The following PRMT7 variants were observed in gnomAD, a reference collection of about 807,000 sequenced individuals.
PRMT7 encodes protein arginine N-methyltransferase 7.
In PRMT7, 75 loss-of-function variants were observed where a neutral mutation model predicts 85.4. The observed-to-expected ratio is 0.88, with a 90% CI of 0.73 to 1.06. The LOEUF is 1.06. Ranked by LOEUF, PRMT7 falls within the 50% of genes least tolerant of loss-of-function variation. The probability of loss-of-function intolerance (pLI) is 0.00; values close to 1 mark genes in which losing one functional copy is unlikely to be tolerated. For missense variants in PRMT7, 868 were observed against 915.2 expected, an observed-to-expected ratio of 0.95 and a Z score of 0.67; for synonymous variants, 397 against 359.5, an observed-to-expected ratio of 1.10 and a Z score of -1.18.
At chr16:68,347,936 T>C (rs530734572) in intron 13 of PRMT7, among the ~76,000 whole-genome samples, 1 of 152,214 alleles carries the variant, frequency 6.6e-6, no homozygotes. Context: ...TAAGCTACTG[T>C]TGCGGTAGAA....
At chr16:68,359,268 T>TG (rs995422317), downstream of PRMT7, 12 of 152,398 alleles carry the variant, frequency 7.9e-5, no homozygotes, top group African/African-American at 2.9e-4. Flanking sequence ...TTCTGGAAGT[T>TG]GGGGGCCTCC....
chr16:68,338,880 C>T (rs1338005487), intron 7 of PRMT7, among the ~76,000 whole-genome samples: 1 of 152,228 alleles, frequency 6.6e-6, no homozygotes, highest in Non-Finnish European at 1.5e-5. Flanking sequence ...GGAGCCACAG[C>T]CCTAGGGGCT....
At chr16:68,320,210 A>G (rs1272152323) in intron 3 of PRMT7, among the ~76,000 whole-genome samples, 3 of 152,208 alleles carry the variant, frequency 2.0e-5, no homozygotes, top group Admixed American at 6.5e-5. Flanking sequence ...TCAAGATGCT[A>G]GTGGCTGTGG....
chr16:68,320,080 C>A (rs7190070), intron 3 of PRMT7, among the ~76,000 whole-genome samples: 1 of 152,196 alleles, frequency 6.6e-6, no homozygotes, highest in Non-Finnish European at 1.5e-5. Context: ...CCCGGCTGCT[C>A]TCCCTAATAC....
intron 18 of PRMT7, 42 bp downstream of exon 18, chr16:68,356,839 A>G: frequency 1.3e-6 from 2 of 1,561,564 alleles, no homozygotes; most frequent in Non-Finnish European, 1.7e-6. Flanking sequence ...GCAGACCCTG[A>G]GAGCAGGCGC....
chr16:68,319,109 G>C (rs1050368351), intron 3 of PRMT7: 1 of 152,166 alleles, frequency 6.6e-6, no homozygotes, highest in Non-Finnish European at 1.5e-5. Flanking sequence ...GTGTGGGGAG[G>C]GGAACACGAT....
intron 3 of PRMT7, among the ~76,000 whole-genome samples, chr16:68,316,402 T>C (rs933482540): frequency 6.6e-6 from 1 of 152,210 alleles, no homozygotes; most frequent in African/African-American, 2.4e-5. Context: ...GTTCATCATA[T>C]GGTTAAATTC....
chr16:68,341,331 G>A (rs2085501141), intron 9 of PRMT7, among the ~76,000 whole-genome samples: 1 of 152,174 alleles, frequency 6.6e-6, no homozygotes, highest in East Asian at 1.9e-4. Flanking sequence ...GACTTTAATT[G>A]ACACGAAGCC....
Position 68,353,577 on chromosome 16 carries a change from C to T in PRMT7, c.1650+11C>T. ...GACGACATGATTAAGGTAGGCAGGG[C>T]CACACTCTGCATAGTACCCCCGACC... On this transcript the variant is annotated intron_variant, in intron 16 of 18. Transcript: ENST00000441236. 6.4e-7 allele frequency: 1 copy of T among 1,567,876 alleles called. No individual in the cohort carries two copies. Among genetic ancestry groups the T allele is most frequent in the African/African-American group, 1.4e-5 (1 of 73,010 alleles).
At chr16:68,311,342 C>T (rs1204326657) in intron 1 of PRMT7, 1 of 296,732 alleles carries the variant, frequency 3.4e-6, no homozygotes, top group Non-Finnish European at 6.5e-6. Context: ...TCGTGCCTGG[C>T]GCCTCCCCTC....
chr16:68,359,081 C>T (rs1463132633), downstream of PRMT7: 1 of 152,650 alleles, frequency 6.6e-6, no homozygotes, highest in Non-Finnish European at 1.5e-5. Context: ...GCCCTGACTC[C>T]CACGCCTGCT....
In PRMT7 at chr16:68,345,547, A is replaced by C. The variant is rs2086224984; in HGVS notation, c.928-128A>C. 2.9e-6 allele frequency: 4 copies of C among 1,379,114 alleles called. No homozygotes were observed. In the Admixed American group the frequency reaches 7.6e-5, roughly 26 times the overall value. 85.4% of individuals were successfully genotyped at this position (1,379,114 alleles called of 1,614,324 possible). A position where few individuals can be genotyped will look rare whatever the true frequency, so the allele number is the denominator to read the frequency against. The stretch of plus-strand genomic sequence containing the variant: ...TTAGAGTTTATTTATCTCCTTGGCC[A>C]CAATAGCCAGCTGTAGTCTACATTG... On this transcript the variant is annotated intron_variant, in intron 9 of 18. Transcript: ENST00000441236.
chr16:68,355,959 A>C (rs1475731012), intron 17 of PRMT7, 76 bp downstream of exon 17: 1 of 1,395,428 alleles, frequency 7.2e-7, no homozygotes, highest in East Asian at 2.6e-5. Context: ...TGGTGAGCAC[A>C]GCTGGCCTGG....
intron 6 of PRMT7, among the ~76,000 whole-genome samples, chr16:68,333,099 C>T (rs894519650): frequency 6.6e-6 from 1 of 152,096 alleles, no homozygotes. Context: ...CTCAAGTGAT[C>T]CTCCTGCCTC....
At chr16:68,344,558 T>C (rs1405330575) in intron 9 of PRMT7, among the ~76,000 whole-genome samples, 1 of 152,210 alleles carries the variant, frequency 6.6e-6, no homozygotes, top group Non-Finnish European at 1.5e-5. Context: ...CAGTTTTTGC[T>C]GGTATAAATA....
At chr16:68,355,634 T>C in intron 16 of PRMT7, 89 bp from the exon 17 acceptor site, 2 of 1,334,882 alleles carry the variant, frequency 1.5e-6, no homozygotes, top group Non-Finnish European at 2.0e-6. Flanking sequence ...CCCTTGTGAC[T>C]GCAGTCAGTG....
intron 9 of PRMT7, among the ~76,000 whole-genome samples, chr16:68,342,599 G>A (rs1040616513): frequency 2.0e-5 from 3 of 152,156 alleles, no homozygotes; most frequent in African/African-American, 7.2e-5. Flanking sequence ...ATTATGGAAG[G>A]CCTTAGCAGC....
intron 5 of PRMT7, among the ~76,000 whole-genome samples, chr16:68,327,000 A>G (rs1006582459): frequency 2.0e-5 from 3 of 152,222 alleles, no homozygotes; most frequent in Admixed American, 6.5e-5. Context: ...AACCACATCT[A>G]AAAACATCAA....
chr16:68,330,942 A>G (rs1368124298), intron 6 of PRMT7, among the ~76,000 whole-genome samples: 2 of 152,120 alleles, frequency 1.3e-5, no homozygotes, highest in African/African-American at 4.8e-5. Context: ...AAATCATTCC[A>G]TTTACAATCA....
Sources: allele counts gnomAD v4.1 joint callset (sites outside exome capture counted in the v4.1 genomes callset), GRCh38; gene constraint gnomAD v4.1.1; transcripts MANE v1.5; gene names NCBI Gene and HGNC (gene_info 2026-07-23, HGNC 2026-07-21).